The following PPP1R12B variants were observed in gnomAD, a reference collection of about 807,000 sequenced individuals.
PPP1R12B encodes myosin phosphatase target subunit 2.
Under a neutral mutation model 126.1 loss-of-function variants are expected in PPP1R12B, and 76 were observed. The observed-to-expected ratio is 0.60, with a 90% CI of 0.50 to 0.73. The LOEUF is 0.73. Among genes scored for constraint, PPP1R12B ranks in the 30% least tolerant of loss-of-function variants. PPP1R12B has a pLI of 0.00. For missense variants in PPP1R12B, 1,052 were observed against 1,205.1 expected (o/e 0.87, Z 1.88); for synonymous variants, 356 against 434.7 (o/e 0.82, Z 2.25).
intron 1 of PPP1R12B, among the ~76,000 whole-genome samples, chr1:202,371,396 G>A (rs561692390): frequency 2.1e-4 from 32 of 151,888 alleles, no homozygotes; most frequent in African/African-American, 7.5e-4. Context: ...TGTTTGTATA[G>A]TGTTATTTCA....
At chr1:202,384,316 A>T (rs1313184346) in intron 1 of PPP1R12B, among the ~76,000 whole-genome samples, 1 of 152,238 alleles carries the variant, frequency 6.6e-6, no homozygotes, top group Non-Finnish European at 1.5e-5. Context: ...CCATCAACTG[A>T]TGAACGAATA....
At chr1:202,571,362 T>G (rs189978882) in intron 23 of PPP1R12B, among the ~76,000 whole-genome samples, 11 of 152,316 alleles carry the variant, frequency 7.2e-5, no homozygotes, top group Admixed American at 3.3e-4. Context: ...AACTCTAAAA[T>G]CAATTGTAAA....
chr1:202,406,418 T>C (rs1276307591), intron 1 of PPP1R12B, among the ~76,000 whole-genome samples: 1 of 152,244 alleles, frequency 6.6e-6, no homozygotes, highest in East Asian at 1.9e-4. Context: ...TATAAAATTA[T>C]TGGAGTAGAC....
chr1:202,408,347 A>G (rs756960457), intron 1 of PPP1R12B, among the ~76,000 whole-genome samples: 10 of 152,202 alleles, frequency 6.6e-5, no homozygotes, highest in Admixed American at 2.0e-4. Context: ...TTTGAGCCAG[A>G]GATTAGTTAA....
At chr1:202,517,103 TA>T (rs1328818687) in intron 18 of PPP1R12B, among the ~76,000 whole-genome samples, 6 of 152,252 alleles carry the variant, frequency 3.9e-5, no homozygotes, top group Non-Finnish European at 8.8e-5. Context: ...TTATCTGGGC[TA>T]AAAACTTCTT....
intron 18 of PPP1R12B, among the ~76,000 whole-genome samples, chr1:202,506,316 C>A (rs575955425): frequency 1.3e-5 from 2 of 152,282 alleles, no homozygotes; most frequent in South Asian, 4.1e-4. Context: ...TGCTGTAGCC[C>A]AAGCTGTATA....
intron 1 of PPP1R12B, among the ~76,000 whole-genome samples, chr1:202,374,608 C>T (rs1375440128): frequency 5.4e-5 from 8 of 148,060 alleles, no homozygotes; most frequent in African/African-American, 2.0e-4. Context: ...AAGCAATTCT[C>T]CTGCCTCAGC....
Position 202,495,632 on chromosome 1 carries a change from C to T in PPP1R12B, c.2398C>T (p.Arg800Trp), listed in dbSNP as rs3817222. The change falls in exon 17 of 24, where the codon CGG (arginine) becomes TGG (tryptophan). Residue 800 changes from arginine (R) to tryptophan (W), a missense_variant. By Grantham distance (101) the Arg-to-Trp change is moderately radical. Transcript: ENST00000608999. ...GAGGCTGTCCATCCGAGAGAGGAGG[C>T]GGCCCAAGGAACGACGAAGAGGCAC... is the stretch of plus-strand genomic sequence containing the variant. Reference protein sequence around the residue: ...SKRLSIRERRRPKERRRGTGI... With the variant: ...SKRLSIRERRWPKERRRGTGI... The T allele has an allele frequency of 1.9e-5, 31 of 1,613,932 alleles. No homozygotes were observed. The East Asian group carries it at 3.3e-4, about 17-fold the overall frequency.
intron 8 of PPP1R12B, among the ~76,000 whole-genome samples, chr1:202,431,911 T>C (rs1439095574): frequency 6.6e-6 from 1 of 152,130 alleles, no homozygotes; most frequent in African/African-American, 2.4e-5. Context: ...TGGCTTGCTT[T>C]AAGTTCAAGA....
At chr1:202,549,724 C>G (rs1686116400) in intron 18 of PPP1R12B, among the ~76,000 whole-genome samples, 1 of 152,128 alleles carries the variant, frequency 6.6e-6, no homozygotes, top group African/African-American at 2.4e-5. Flanking sequence ...GGCCAACTTT[C>G]TTGAATTACA....
intron 1 of PPP1R12B, among the ~76,000 whole-genome samples, chr1:202,368,158 A>G (rs1188809509): frequency 6.6e-6 from 1 of 152,000 alleles, no homozygotes; most frequent in African/African-American, 2.4e-5. Flanking sequence ...TTTAGTAGAA[A>G]CAGGGTTTCA....
intron 14 of PPP1R12B, among the ~76,000 whole-genome samples, chr1:202,491,289 C>T (rs1369695346): frequency 6.6e-6 from 1 of 152,118 alleles, no homozygotes; most frequent in Non-Finnish European, 1.5e-5. Flanking sequence ...GCTGGGATTA[C>T]AGGCACCCAT....
intron 1 of PPP1R12B, among the ~76,000 whole-genome samples, chr1:202,411,578 A>G (rs1571887597): frequency 6.6e-6 from 1 of 151,334 alleles, no homozygotes; most frequent in South Asian, 2.1e-4. Context: ...ATCATTGAGG[A>G]CTAAGTACTT....
intron 1 of PPP1R12B, among the ~76,000 whole-genome samples, chr1:202,394,556 A>G (rs1289649853): frequency 6.6e-6 from 1 of 152,004 alleles, no homozygotes; most frequent in Non-Finnish European, 1.5e-5. Context: ...GGAGTTCAAG[A>G]CCAGCCTGAC....
At chr1:202,351,192 C>G (rs948468968) in intron 1 of PPP1R12B, among the ~76,000 whole-genome samples, 3 of 151,106 alleles carry the variant, frequency 2.0e-5, no homozygotes, top group African/African-American at 7.3e-5. Flanking sequence ...CAATGTGTGT[C>G]TCCATGACTT....
chr1:202,542,246 T>G (rs1183161170), intron 18 of PPP1R12B, among the ~76,000 whole-genome samples: 4 of 152,224 alleles, frequency 2.6e-5, no homozygotes, highest in Non-Finnish European at 4.4e-5. Context: ...TTTTAACAAC[T>G]GGTTTTGTGA....
At chr1:202,524,559 C>T (rs1558331193) in intron 18 of PPP1R12B, among the ~76,000 whole-genome samples, 1 of 152,188 alleles carries the variant, frequency 6.6e-6, no homozygotes, top group Non-Finnish European at 1.5e-5. Flanking sequence ...CATTGTATCA[C>T]TGACACCTTT....
chr1:202,518,915 C>G (rs1244602975), intron 18 of PPP1R12B, among the ~76,000 whole-genome samples: 2 of 152,192 alleles, frequency 1.3e-5, no homozygotes, highest in African/African-American at 4.8e-5. Context: ...GGATAGAAAT[C>G]TGCTGGACAC....
chr1:202,449,122 C>T lies in PPP1R12B; in HGVS notation c.1801C>T (p.Leu601Phe), dbSNP rs185424822. 7.2e-4 allele frequency: 1,169 copies of T among 1,613,474 alleles called. 14 individuals are homozygous for T. The South Asian group carries it at 8.9e-3, about 12-fold the overall frequency. The change falls in exon 13 of 24, where the codon CTC (leucine) becomes TTC (phenylalanine). Residue 601 changes from leucine to phenylalanine, a missense_variant. By Grantham distance (22) the Leu-to-Phe change is conservative (BLOSUM62 0). Transcript: ENST00000608999. ...TANGVTATPVLSITGTDSSVE... is the reference protein window; with the variant it reads ...TANGVTATPVFSITGTDSSVE... Reference sequence around the variant, plus strand: ...CAATGGGGTTACAGCTACTCCTGTGCTCTCCATTACTGGAACAGATTCCTC... The same window carrying T: ...CAATGGGGTTACAGCTACTCCTGTGTTCTCCATTACTGGAACAGATTCCTC...
Sources: gnomAD v4.1 joint callset for allele counts (sites outside exome capture counted in the v4.1 genomes callset) on GRCh38, gnomAD v4.1.1 for gene constraint, MANE v1.5 for transcripts, NCBI Gene and HGNC (gene_info 2026-07-23, HGNC 2026-07-21) for gene names.